The following NF1 variants were observed in gnomAD, a reference collection of about 807,000 sequenced individuals.
NF1 encodes neurofibromin 1.
NF1 carries 122 observed loss-of-function variants against 325.7 expected under a neutral mutation model. That is an observed-to-expected ratio of 0.37 (90% CI 0.32 to 0.44). The LOEUF (loss-of-function observed/expected upper bound fraction) is 0.44, where lower values mean the gene tolerates loss of function less well. NF1 is among the 20% of genes least tolerant of loss of function. NF1 has a pLI of 1.00. For synonymous variants in NF1, 1,091 were observed against 1,186.0 expected (o/e 0.92, Z 1.65); for missense variants, 2,140 against 3,415.4 (o/e 0.63, Z 9.31).
At chr17:31,342,567 G>A (rs374869289) in intron 47 of NF1, among the ~76,000 whole-genome samples, 1 of 152,086 alleles carries the variant, frequency 6.6e-6, no homozygotes, top group Non-Finnish European at 1.5e-5. Flanking sequence ...CAGCCTGGGC[G>A]ACAGAGTAAG....
Position 31,224,492 on chromosome 17 carries a change from A to G in NF1, c.1846-603A>G, listed in dbSNP as rs17884015. Among the ~76,000 whole-genome samples the G allele has an allele frequency of 7.0e-3, 1,068 of 152,278 alleles. 11 individuals are homozygous for G. The highest frequency in any genetic ancestry group is 0.024 in the Middle Eastern group (7 of 294). On this transcript the variant is annotated intron_variant, in intron 16 of 57. Transcript: ENST00000358273. ...GGTTTATTCACATGTGACTTATTTG[A>G]TATGTTAATGTAGTGGAATTTGGCA... is the stretch of plus-strand genomic sequence containing the variant.
At chr17:31,361,420 A>C (rs1479474093) in intron 57 of NF1, 1 of 152,250 alleles carries the variant, frequency 6.6e-6, no homozygotes, top group African/African-American at 2.4e-5. Flanking sequence ...GGTTTCATAC[A>C]ACTCTGGTTG....
chr17:31,345,965 T>G (rs2069968794), intron 48 of NF1: 1 of 1,609,396 alleles, frequency 6.2e-7, no homozygotes, highest in Non-Finnish European at 8.5e-7. Flanking sequence ...ATGGTATTGA[T>G]GACGTCACTG....
chr17:31,313,722 ATGTGTG>A (rs60267436), intron 36 of NF1, among the ~76,000 whole-genome samples: 9,623 of 138,942 alleles, frequency 0.069, 379 homozygotes, highest in African/African-American at 0.083. Flanking sequence ...AAAAAAAAAT[ATGTGTG>A]TGTGTGTGTG....
At chr17:31,212,082 G>T (rs2066737960) in intron 12 of NF1, among the ~76,000 whole-genome samples, 1 of 151,800 alleles carries the variant, frequency 6.6e-6, no homozygotes, top group Non-Finnish European at 1.5e-5. Context: ...ACTTTGTATA[G>T]CTAGCTGTAT....
chr17:31,318,577 A>G, intron 36 of NF1: 8 of 1,614,158 alleles, frequency 5.0e-6, no homozygotes, highest in Non-Finnish European at 6.8e-6. Context: ...ACAGATAAGA[A>G]AAAGCACTGC....
At chr17:31,236,059 T>TG (rs770210232) in intron 29 of NF1, 38 bp downstream of exon 29, 2 of 1,328,662 alleles carry the variant, frequency 1.5e-6, no homozygotes, top group Non-Finnish European at 2.0e-6. Flanking sequence ...TGTTTTTTGT[T>TG]TTTTTTTTTT....
At chr17:31,168,556 T>TC (rs2065881668) in intron 4 of NF1, among the ~76,000 whole-genome samples, 1 of 152,176 alleles carries the variant, frequency 6.6e-6, no homozygotes, top group Non-Finnish European at 1.5e-5. Flanking sequence ...CTCCATTTTT[T>TC]CCCATGCTGT....
chr17:31,197,500 T>A (rs1234547925), intron 8 of NF1, among the ~76,000 whole-genome samples: 1 of 152,126 alleles, frequency 6.6e-6, no homozygotes, highest in Admixed American at 6.6e-5. Flanking sequence ...CAGCAATGTT[T>A]TGTAGTTTTT....
chr17:31,209,568 G>A (rs939963595), intron 12 of NF1, among the ~76,000 whole-genome samples: 4 of 152,148 alleles, frequency 2.6e-5, no homozygotes, highest in African/African-American at 9.7e-5. Flanking sequence ...AGGTTATTCT[G>A]TACTCCTAGA....
chr17:31,247,859 A>C (rs2067423990), intron 29 of NF1, among the ~76,000 whole-genome samples: 1 of 152,238 alleles, frequency 6.6e-6, no homozygotes. Context: ...CATAATGTAG[A>C]GTGAAAGATG....
chr17:31,102,213 T>G (rs1912401159), intron 1 of NF1, among the ~76,000 whole-genome samples: 1 of 152,250 alleles, frequency 6.6e-6, no homozygotes, highest in Non-Finnish European at 1.5e-5. Flanking sequence ...TCAGATCTGA[T>G]CAACTACTTT....
rs199474732 is a variant in NF1, at chr17:31,233,115, C to G, written c.3610C>G (p.Arg1204Gly). The change falls in exon 27 of 58, where the codon CGG becomes GGG. Residue 1204 changes from arginine to glycine, a missense_variant. This residue lies in a region of NF1 where 336 missense variants were observed against 399.0 expected (regional missense o/e 0.84). Transcript: ENST00000358273. Reference protein sequence around the residue: ...DTLAETVLADRFERLVELVTM... With the variant: ...DTLAETVLADGFERLVELVTM... ...ACTTGCAGAAACAGTATTGGCTGAT[C>G]GGTTTGAGAGATTGGTGGAACTGGT... The G allele has an allele frequency of 1.2e-6, 2 of 1,614,012 alleles. No individual in the cohort carries two copies. The highest frequency in any genetic ancestry group is 8.5e-7 in the Non-Finnish European group (1 of 1,180,002).
chr17:31,258,883 AAAT>A (rs1368145530), intron 32 of NF1, 146 bp from the exon 33 acceptor site: 1 of 559,586 alleles, frequency 1.8e-6, no homozygotes, highest in Non-Finnish European at 3.1e-6. Flanking sequence ...ACACTACCTA[AAAT>A]AATTTATAGA....
rs542283195 is a variant in NF1, at chr17:31,368,603, C to T, written c.8378-5410C>T. ...TGTGCTTATTTATATTAGCTTCACT[C>T]ATTTTACAAATTCTAGCATAAAATT... On this transcript the variant is annotated intron_variant, in intron 57 of 57. Coordinates refer to ENST00000358273, the MANE Select transcript of NF1 (RefSeq NM_001042492.3). 7.9e-5 allele frequency among the ~76,000 whole-genome samples: 12 copies of T among 152,306 alleles called. 1 individual carries two copies. The highest frequency in any genetic ancestry group is 7.2e-4 in the Admixed American group (11 of 15,300).
intron 1 of NF1, among the ~76,000 whole-genome samples, chr17:31,115,421 A>G (rs1301468254): frequency 2.0e-5 from 3 of 152,256 alleles, no homozygotes; most frequent in Non-Finnish European, 2.9e-5. Context: ...CAAGGCCTCC[A>G]ATCCAGCAGA....
intron 39 of NF1, 126 bp from the exon 40 acceptor site, chr17:31,334,712 T>C (rs1049853632): frequency 1.4e-6 from 1 of 725,746 alleles, no homozygotes; most frequent in Non-Finnish European, 2.3e-6. Context: ...AAGTGTCTTT[T>C]CTCCAGGCCT....
chr17:31,288,173 G>A (rs2068276137), intron 36 of NF1, among the ~76,000 whole-genome samples: 1 of 151,886 alleles, frequency 6.6e-6, no homozygotes, highest in Non-Finnish European at 1.5e-5. Context: ...TTTAGATTCA[G>A]AATCTCAGGT....
At chr17:31,360,453 AG>A (rs1263507391) in intron 56 of NF1, 33 bp from the exon 57 acceptor site, 1 of 1,585,044 alleles carries the variant, frequency 6.3e-7, no homozygotes, top group South Asian at 1.1e-5. Flanking sequence ...CTTAAAAAAA[AG>A]GAACTAAAAT....
Sources: allele counts gnomAD v4.1 joint callset (sites outside exome capture counted in the v4.1 genomes callset), GRCh38; gene constraint gnomAD v4.1.1; regional missense constraint gnomAD v4.1.1; transcripts MANE v1.5; gene names NCBI Gene and HGNC (gene_info 2026-07-23, HGNC 2026-07-21).